HDAC9: variants seen among roughly 807,000 people sequenced by gnomAD.
HDAC9 encodes histone deacetylase 9, also known as MEF-2 interacting transcription repressor (MITR) protein.
In HDAC9, 41 loss-of-function variants were observed where a neutral mutation model predicts 139.4. That is an observed-to-expected ratio of 0.29 (90% CI 0.23 to 0.38). HDAC9 has a LOEUF of 0.38. Ranked by LOEUF, HDAC9 falls within the 10% of genes least tolerant of loss-of-function variation. The pLI, the probability that HDAC9 is intolerant of heterozygous loss-of-function variation, is 1.00. For synonymous variants in HDAC9, 517 were observed against 476.2 expected (o/e 1.09, Z -1.12); for missense variants, 1,147 against 1,297.0 (o/e 0.88, Z 1.78).
In HDAC9 at chr7:18,335,359, C is replaced by T. The variant is rs966486763; in HGVS notation, c.-42+44844C>T. 9.2e-5 allele frequency among the ~76,000 whole-genome samples: 14 copies of T among 151,596 alleles called. No homozygotes were observed. In the East Asian group the frequency reaches 2.2e-3, roughly 23 times the overall value. On this transcript the variant is annotated intron_variant, in intron 1 of 3. Transcript: ENST00000413509. ...ATCTTAGGTCCTAATCTTGTGGCTT[C>T]TTCAGCAGGTAGGACGGTGACCCAG...
chr7:18,251,055 A>G (rs949482402), intron 2 of HDAC9, among the ~76,000 whole-genome samples: 2 of 152,230 alleles, frequency 1.3e-5, no homozygotes, highest in Non-Finnish European at 2.9e-5. Flanking sequence ...ATACATGCAC[A>G]TGTATGGTCA....
At chr7:18,449,148 T>TA (rs1270165746) in intron 1 of HDAC9, among the ~76,000 whole-genome samples, 1 of 152,146 alleles carries the variant, frequency 6.6e-6, no homozygotes, top group Non-Finnish European at 1.5e-5. Context: ...ATGTTTACAC[T>TA]AAATGTGTTT....
intron 1 of HDAC9, among the ~76,000 whole-genome samples, chr7:18,144,370 A>G (rs1786139565): frequency 6.6e-6 from 1 of 152,064 alleles, no homozygotes. Context: ...CAAATCAGAA[A>G]CCTTCGGGGT....
At chr7:18,780,739 A>G (rs532242529) in intron 16 of HDAC9, among the ~76,000 whole-genome samples, 2 of 152,138 alleles carry the variant, frequency 1.3e-5, no homozygotes, top group South Asian at 2.1e-4. Flanking sequence ...TTTGGTTCTC[A>G]TCCTTAATTC....
At chr7:18,735,737 C>A (rs1016159775) in intron 13 of HDAC9, among the ~76,000 whole-genome samples, 1 of 151,978 alleles carries the variant, frequency 6.6e-6, no homozygotes, top group African/African-American at 2.4e-5. Context: ...TGGTTCCATA[C>A]AAAATTTAAA....
At chr7:18,262,420 A>G (rs1795739499) in intron 2 of HDAC9, among the ~76,000 whole-genome samples, 1 of 152,216 alleles carries the variant, frequency 6.6e-6, no homozygotes, top group South Asian at 2.1e-4. Flanking sequence ...AAATTAAGGC[A>G]TTTCCAGATA....
chr7:18,518,382 G>A (rs1346917656), intron 2 of HDAC9, among the ~76,000 whole-genome samples: 2 of 152,186 alleles, frequency 1.3e-5, no homozygotes, highest in East Asian at 3.8e-4. Context: ...GTGTACATAT[G>A]CATTTTTGGG....
chr7:18,607,254 A>ACTT (rs1835778775), intron 6 of HDAC9, among the ~76,000 whole-genome samples: 1 of 152,206 alleles, frequency 6.6e-6, no homozygotes, highest in Non-Finnish European at 1.5e-5. Flanking sequence ...GCCTTGTAAG[A>ACTT]ACTTCGAAAA....
At chr7:18,618,635 A>T (rs1399427377) in intron 6 of HDAC9, among the ~76,000 whole-genome samples, 3 of 151,168 alleles carry the variant, frequency 2.0e-5, no homozygotes, top group African/African-American at 7.3e-5. Context: ...AGTAGGAGGG[A>T]CATTAAAACA....
chr7:18,355,558 G>A (rs1355633980), intron 1 of HDAC9, among the ~76,000 whole-genome samples: 2 of 152,156 alleles, frequency 1.3e-5, no homozygotes, highest in African/African-American at 4.8e-5. Flanking sequence ...AGCTTATTTT[G>A]AAATGGACTG....
At chr7:18,385,532 G>C (rs1004979753) in intron 1 of HDAC9, among the ~76,000 whole-genome samples, 1 of 152,248 alleles carries the variant, frequency 6.6e-6, no homozygotes, top group African/African-American at 2.4e-5. Flanking sequence ...GTCTGTGGTA[G>C]GGTCTTTCCC....
intron 1 of HDAC9, among the ~76,000 whole-genome samples, chr7:18,124,233 G>C (rs1358359724): frequency 6.6e-6 from 1 of 152,206 alleles, no homozygotes; most frequent in Non-Finnish European, 1.5e-5. Flanking sequence ...TAAGAAGGTG[G>C]AATATCTGTT....
intron 21 of HDAC9, among the ~76,000 whole-genome samples, chr7:18,873,298 T>C (rs1278026093): frequency 6.6e-6 from 1 of 152,188 alleles, no homozygotes; most frequent in African/African-American, 2.4e-5. Context: ...GTTTACCAGT[T>C]GTTGGAAGGA....
chr7:18,817,458 A>AT (rs556246188), intron 17 of HDAC9, among the ~76,000 whole-genome samples: 14 of 152,342 alleles, frequency 9.2e-5, no homozygotes, highest in African/African-American at 3.4e-4. Flanking sequence ...TGAAGCAGTG[A>AT]TTTTCCAGAA....
At chr7:18,252,074 G>A (rs572172499) in intron 2 of HDAC9, among the ~76,000 whole-genome samples, 4 of 152,124 alleles carry the variant, frequency 2.6e-5, no homozygotes, top group African/African-American at 9.7e-5. Flanking sequence ...AGAGCATGCA[G>A]CATTTACTGT....
intron 1 of HDAC9, among the ~76,000 whole-genome samples, chr7:18,143,606 T>C (rs1043841027): frequency 6.6e-6 from 1 of 152,056 alleles, no homozygotes; most frequent in Non-Finnish European, 1.5e-5. Flanking sequence ...ACTAACATGG[T>C]GAAACCTCGT....
chr7:18,266,171 A>G (rs1010710985), intron 2 of HDAC9, among the ~76,000 whole-genome samples: 39 of 152,180 alleles, frequency 2.6e-4, no homozygotes, highest in African/African-American at 9.4e-4. Context: ...TTATCTAACA[A>G]AACACTTTCA....
intron 2 of HDAC9, among the ~76,000 whole-genome samples, chr7:18,559,325 G>T (rs1052643566): frequency 2.0e-5 from 3 of 152,114 alleles, no homozygotes; most frequent in Non-Finnish European, 4.4e-5. Context: ...GGTCATCTTT[G>T]CCCAAGTGTG....
chr7:18,206,077 A>G (rs185267617), intron 2 of HDAC9, among the ~76,000 whole-genome samples: 5 of 152,288 alleles, frequency 3.3e-5, no homozygotes, highest in Admixed American at 1.3e-4. Context: ...TGATAGGCCA[A>G]TGAAAAATTT....
Sources: gnomAD v4.1 joint callset for allele counts (sites outside exome capture counted in the v4.1 genomes callset) on GRCh38, gnomAD v4.1.1 for gene constraint, MANE v1.5 for transcripts, NCBI Gene and HGNC (gene_info 2026-07-23, HGNC 2026-07-21) for gene names.